Variants in ZFAND3 observed in about 807,000 individuals in gnomAD.
ZFAND3 encodes the protein zinc finger AN1-type containing 3.
Under a neutral mutation model 29.6 loss-of-function variants are expected in ZFAND3, and 10 were observed. The observed-to-expected ratio is 0.34, with a 90% CI of 0.21 to 0.57. ZFAND3 has a LOEUF of 0.57. Among genes scored for constraint, ZFAND3 ranks in the 20% least tolerant of loss-of-function variants. The pLI is 0.86. For missense variants in ZFAND3, 230 were observed against 304.5 expected (o/e 0.76, Z 1.82); for synonymous variants, 128 against 112.6 (o/e 1.14, Z -0.87).
chr6:37,899,049 C>T (rs1448377407), intron 1 of ZFAND3, among the ~76,000 whole-genome samples: 3 of 152,190 alleles, frequency 2.0e-5, no homozygotes, highest in Admixed American at 6.5e-5. Context: ...GCGCCCGCCA[C>T]CACGCCTGGC....
rs1022238917 is a variant in ZFAND3, at chr6:37,924,089, G to A, written c.72-5870G>A. On this transcript the variant is annotated intron_variant, in intron 1 of 5. Coordinates refer to ENST00000287218, the MANE Select transcript of ZFAND3 (RefSeq NM_021943.3). ...AAAATTTAAGCAGATTTCTCACTCC[G>A]TGTCATTAGAAAGAAACTTTTAAAA... 4.6e-5 allele frequency among the ~76,000 whole-genome samples: 7 copies of A among 151,980 alleles called. No homozygotes were observed. The South Asian group carries it at 1.2e-3, about 27-fold the overall frequency.
intron 1 of ZFAND3, among the ~76,000 whole-genome samples, chr6:37,927,859 A>C (rs768930120): frequency 4.6e-5 from 7 of 152,226 alleles, no homozygotes; most frequent in Non-Finnish European, 1.0e-4. Context: ...TGAATAGAAT[A>C]CAGGTGTTGG....
intron 5 of ZFAND3, among the ~76,000 whole-genome samples, chr6:38,134,763 G>A (rs1321739457): frequency 6.6e-6 from 1 of 152,218 alleles, no homozygotes; most frequent in Admixed American, 6.5e-5. Flanking sequence ...GCTGGGGCCT[G>A]GAGACGCAGA....
At chr6:37,927,515 G>T (rs1312078600) in intron 1 of ZFAND3, among the ~76,000 whole-genome samples, 4 of 152,230 alleles carry the variant, frequency 2.6e-5, no homozygotes, top group Non-Finnish European at 5.9e-5. Context: ...AACTACAGAT[G>T]TGTGTATACT....
chr6:38,123,396 C>T (rs1457917764), intron 5 of ZFAND3, among the ~76,000 whole-genome samples: 1 of 152,192 alleles, frequency 6.6e-6, no homozygotes, highest in Non-Finnish European at 1.5e-5. Context: ...AAGTGTAAAC[C>T]TGTCAGGAAC....
chr6:38,075,714 C>G (rs1011923734), intron 3 of ZFAND3, among the ~76,000 whole-genome samples: 1 of 151,994 alleles, frequency 6.6e-6, no homozygotes, highest in African/African-American at 2.4e-5. Context: ...ACAGAGAAAT[C>G]TTTTGTGAAA....
At chr6:38,087,765 A>G (rs1381644606) in intron 4 of ZFAND3, among the ~76,000 whole-genome samples, 1 of 152,208 alleles carries the variant, frequency 6.6e-6, no homozygotes, top group African/African-American at 2.4e-5. Context: ...TACAACCACT[A>G]TGGAGAACAG....
chr6:38,046,791 A>G (rs929031876), intron 2 of ZFAND3, among the ~76,000 whole-genome samples: 1 of 152,234 alleles, frequency 6.6e-6, no homozygotes, highest in Non-Finnish European at 1.5e-5. Flanking sequence ...GTTGCTTGGA[A>G]ATACAGTTGT....
chr6:37,953,996 A>G (rs965217576), intron 2 of ZFAND3, among the ~76,000 whole-genome samples: 3 of 152,170 alleles, frequency 2.0e-5, no homozygotes, highest in Admixed American at 1.3e-4. Context: ...TTCACTGGGT[A>G]TAGAATTATA....
rs9462370 is a variant in ZFAND3 at position 37,853,737 on chromosome 6, G to A, written c.71+33721G>A. Among the ~76,000 whole-genome samples the A allele has an allele frequency of 7.3e-3, 1,118 of 152,174 alleles. 8 individuals carry two copies. The highest frequency in any genetic ancestry group is 0.024 in the Middle Eastern group (7 of 294). ...AGCAATGTAATAGGTACAGAAGTAG[G>A]AAGAAAATACTAAAACCCCTAAGAA... On this transcript the variant is annotated intron_variant, in intron 1 of 5. Coordinates refer to ENST00000287218, the MANE Select transcript of ZFAND3 (RefSeq NM_021943.3).
At chr6:37,915,004 G>A (rs259678) in intron 1 of ZFAND3, among the ~76,000 whole-genome samples, 96,418 of 152,000 alleles carry the variant, frequency 0.63, 31,334 homozygotes, top group African/African-American at 0.75. Flanking sequence ...TGTTTCATTG[G>A]CATTGAGAAT....
At chr6:38,001,070 A>T (rs184415346) in intron 2 of ZFAND3, among the ~76,000 whole-genome samples, 6 of 152,354 alleles carry the variant, frequency 3.9e-5, no homozygotes, top group Admixed American at 2.0e-4. Context: ...TGAAGAATGC[A>T]GGGTAATTTA....
At chr6:37,860,038 A>ATTTTTTTTTTT (rs367545879) in intron 1 of ZFAND3, among the ~76,000 whole-genome samples, 1 of 134,186 alleles carries the variant, frequency 7.5e-6, no homozygotes, top group Non-Finnish European at 1.6e-5. Flanking sequence ...CGCCCAGCTA[A>ATTTTTTTTTTT]TTTTTTTTTT....
chr6:38,018,243 C>T (rs1166844104), intron 2 of ZFAND3, among the ~76,000 whole-genome samples: 1 of 152,024 alleles, frequency 6.6e-6, no homozygotes, highest in Admixed American at 6.5e-5. Flanking sequence ...TTAGTATCTT[C>T]TCATATTAAT....
At chr6:37,855,951 A>G (rs1764374075) in intron 1 of ZFAND3, among the ~76,000 whole-genome samples, 1 of 151,346 alleles carries the variant, frequency 6.6e-6, no homozygotes, top group Non-Finnish European at 1.5e-5. Context: ...AACCTCCATC[A>G]TTTCCTTGCT....
chr6:38,130,232 G>A (rs115300310), intron 5 of ZFAND3, among the ~76,000 whole-genome samples: 10,005 of 152,190 alleles, frequency 0.066, 453 homozygotes, highest in Middle Eastern at 0.11. Flanking sequence ...AGTTTTCTAG[G>A]TGAACGATCA....
chr6:37,970,613 G>T (rs1304211797), intron 2 of ZFAND3, among the ~76,000 whole-genome samples: 1 of 152,148 alleles, frequency 6.6e-6, no homozygotes, highest in Non-Finnish European at 1.5e-5. Flanking sequence ...AAAACACTTA[G>T]TATGGGGCCA....
chr6:37,959,283 T>A (rs1652161522), intron 2 of ZFAND3, among the ~76,000 whole-genome samples: 1 of 152,262 alleles, frequency 6.6e-6, no homozygotes, highest in Non-Finnish European at 1.5e-5. Context: ...TTCAACATTA[T>A]CAGTGCAGTT....
At chr6:38,140,010 A>G (rs1307077416) in intron 5 of ZFAND3, among the ~76,000 whole-genome samples, 2 of 152,240 alleles carry the variant, frequency 1.3e-5, no homozygotes, top group African/African-American at 4.8e-5. Context: ...AAGAGTAAGT[A>G]AGGTATCAGT....
Sources: allele counts gnomAD v4.1 joint callset (sites outside exome capture counted in the v4.1 genomes callset), GRCh38; gene constraint gnomAD v4.1.1; transcripts MANE v1.5; gene names NCBI Gene and HGNC (gene_info 2026-07-23, HGNC 2026-07-21).